COL6A5: variants seen among roughly 807,000 people sequenced by gnomAD.
COL6A5 encodes collagen alpha-5(VI) chain.
COL6A5 carries 48 observed loss-of-function variants against 65.6 expected under a neutral mutation model. The observed-to-expected ratio is 0.73, with a 90% CI of 0.58 to 0.93. The LOEUF (loss-of-function observed/expected upper bound fraction) is 0.93, where lower values mean the gene tolerates loss of function less well. Ranked by LOEUF, COL6A5 falls within the 40% of genes least tolerant of loss-of-function variation. The pLI, the probability that COL6A5 is intolerant of heterozygous loss-of-function variation, is 0.00. For missense variants in COL6A5, 914 were observed against 928.3 expected (o/e 0.98, Z 0.20); for synonymous variants, 291 against 322.8 (o/e 0.90, Z 1.05).
At chr3:130,358,912 A>T (rs1383259305) in intron 1 of COL6A5, among the ~76,000 whole-genome samples, 1 of 152,180 alleles carries the variant, frequency 6.6e-6, no homozygotes, top group Non-Finnish European at 1.5e-5. Context: ...AAAAGTTGGA[A>T]ACAATCTAAA....
At chr3:130,433,822 T>G (rs986571606) in intron 1 of COL6A5, among the ~76,000 whole-genome samples, 3 of 152,204 alleles carry the variant, frequency 2.0e-5, no homozygotes, top group African/African-American at 7.2e-5. Flanking sequence ...GGTTAAACAT[T>G]TTTTCATATG....
At chr3:130,426,873 C>T (rs1245104891), upstream of COL6A5, among the ~76,000 whole-genome samples, 35 of 151,208 alleles carry the variant, frequency 2.3e-4, 3 homozygotes, top group Admixed American at 2.2e-3. Flanking sequence ...AAGCAGGAGT[C>T]AACATAAAGA....
intron 10 of COL6A5, among the ~76,000 whole-genome samples, chr3:130,399,973 C>T (rs1017659674): frequency 6.6e-5 from 10 of 150,660 alleles, no homozygotes; most frequent in Middle Eastern, 6.9e-3. Flanking sequence ...TTGACCAGTT[C>T]GCTGGTCACA....
intron 1 of COL6A5, among the ~76,000 whole-genome samples, chr3:130,362,331 T>A (rs1227070854): frequency 0.013 from 56 of 4,230 alleles, no homozygotes; most frequent in African/African-American, 0.022. Context: ...TATATATTTT[T>A]TTTTTTTTTT....
chr3:130,475,616 G>A (rs1468762856), intron 7 of COL6A5, among the ~76,000 whole-genome samples: 1 of 152,108 alleles, frequency 6.6e-6, no homozygotes, highest in Non-Finnish European at 1.5e-5. Context: ...TGTCCTAAAG[G>A]AGAAATATGT....
exon 1 of COL6A5, chr3:130,431,658 C>A (rs1431980110): frequency 1.3e-6 from 2 of 1,551,394 alleles, no homozygotes; most frequent in Non-Finnish European, 1.7e-6. Context: ...GCTATCTCAT[C>A]CGCTGGTCTG....
exon 26 of COL6A5, chr3:130,421,165 A>G (rs993857838): frequency 1.9e-6 from 3 of 1,550,610 alleles, no homozygotes; most frequent in Non-Finnish European, 1.7e-6. Context: ...AGATTCTGGC[A>G]TCCCAGGCTA....
chr3:130,464,392 T>G (rs1709768474), intron 5 of COL6A5, among the ~76,000 whole-genome samples: 1 of 152,022 alleles, frequency 6.6e-6, no homozygotes, highest in Non-Finnish European at 1.5e-5. Context: ...CTCTGCCTCT[T>G]AAAGTGTTGA....
At position 130,372,344 on chromosome 3, in the gene COL6A5, C is replaced by A. The variant is rs1444548636; in HGVS notation, c.-28-1267C>A. On this transcript the variant is annotated intron_variant and NMD_transcript_variant, in intron 1 of 41. Coordinates refer to the COL6A5 transcript ENST00000312481. ...GTCCAGATAAATGAAAATATATATT[C>A]ACACCAGCATGTACATAAGTGTTCA... 2.6e-5 allele frequency among the ~76,000 whole-genome samples: 4 copies of A among 151,986 alleles called. No individual in the cohort carries two copies. The East Asian group carries it at 7.7e-4, about 29-fold the overall frequency.
At chr3:130,387,924 G>A (rs1936254954) in intron 5 of COL6A5, among the ~76,000 whole-genome samples, 1 of 151,488 alleles carries the variant, frequency 6.6e-6, no homozygotes, top group South Asian at 2.1e-4. Context: ...ATACATATGT[G>A]TGTATATATA....
At position 130,471,130 on chromosome 3, in the gene COL6A5, C is replaced by T. The variant is rs148082436; in HGVS notation, c.2328+163C>T. Among the ~76,000 whole-genome samples, 765 of 151,524 alleles carry T rather than the reference C, an allele frequency of 5.0e-3. 5 individuals carry two copies. Among genetic ancestry groups the T allele is most frequent in the Middle Eastern group, 0.024 (7 of 294 alleles). ...AAATGCTACTCGTTTGTGATGATAG[C>T]ATAGGTCTGAAATTAATCGCAGATA... On this transcript the variant is annotated intron_variant, in intron 7 of 7. Coordinates refer to ENST00000512836, the Ensembl canonical transcript of COL6A5.
rs145618797 is a variant in COL6A5, at chr3:130,352,256, T to C, written c.-29+6275T>C. ...AACCACCATGGCACATGTATACCTG[T>C]GTAACAAACCTGCACATTGTGCACA... On this transcript the variant is annotated intron_variant and NMD_transcript_variant, in intron 1 of 41. Coordinates refer to the COL6A5 transcript ENST00000312481. Among the ~76,000 whole-genome samples the C allele has an allele frequency of 9.5e-4, 145 of 151,958 alleles. 1 individual carries two copies. Among genetic ancestry groups the C allele is most frequent in the African/African-American group, 3.4e-3 (141 of 41,410 alleles).
rs1934508642 is a variant in COL6A5 at position 130,347,084 on chromosome 3, GTGT to G, written c.-29+1108_-29+1110del. On this transcript the variant is annotated intron_variant and NMD_transcript_variant, in intron 1 of 41. Transcript: ENST00000312481. ...TCTTTGATGACGAATGAATGGTTTTGTGTTGTTATTATTATTCTCCTTTCAGTG... is the reference window on the plus strand; with the variant it reads ...TCTTTGATGACGAATGAATGGTTTTGTGTTATTATTATTCTCCTTTCAGTG... Among the ~76,000 whole-genome samples, 3 of 152,256 alleles carry G rather than the reference GTGT, an allele frequency of 2.0e-5. No individual in the cohort carries two copies. In the South Asian group the frequency reaches 6.2e-4, roughly 32 times the overall value.
chr3:130,347,734 C>T (rs930481752), intron 1 of COL6A5, among the ~76,000 whole-genome samples: 1 of 152,138 alleles, frequency 6.6e-6, no homozygotes, highest in Non-Finnish European at 1.5e-5. Context: ...ACTCAGAATC[C>T]TCCAGCTCTG....
chr3:130,382,517 G>A (rs1299508986), intron 4 of COL6A5, among the ~76,000 whole-genome samples: 1 of 152,128 alleles, frequency 6.6e-6, no homozygotes, highest in Non-Finnish European at 1.5e-5. Flanking sequence ...TAATTCAGTT[G>A]CCCAAGCATC....
intron 2 of COL6A5, 115 bp downstream of exon 34, chr3:130,439,730 G>C (rs537769373): frequency 2.7e-6 from 2 of 745,438 alleles, no homozygotes; most frequent in African/African-American, 1.8e-5. Context: ...TCTATTTTCA[G>C]TTTTCTAGTT....
At chr3:130,357,135 A>G (rs1216845645) in intron 1 of COL6A5, among the ~76,000 whole-genome samples, 4 of 152,218 alleles carry the variant, frequency 2.6e-5, no homozygotes, top group Admixed American at 2.6e-4. Context: ...TGTATTCTCT[A>G]TGAATGAGAA....
chr3:130,412,368 T>C (rs560682029), intron 20 of COL6A5, among the ~76,000 whole-genome samples: 2 of 152,258 alleles, frequency 1.3e-5, no homozygotes, highest in African/African-American at 4.8e-5. Flanking sequence ...TTGAACTCAG[T>C]CTGTCTCCCT....
rs771907805 is a variant in COL6A5, at chr3:130,416,832, T to G, written c.4887+13T>G. 7.8e-6 allele frequency: 11 copies of G among 1,416,600 alleles called. No individual in the cohort carries two copies. The highest frequency in any genetic ancestry group is 1.1e-5 in the Non-Finnish European group (11 of 1,046,916). 87.8% of individuals were successfully genotyped at this position (1,416,600 alleles called of 1,614,324 possible). ...TTTGGGGAAAAAAGTAGATATTATTTCTGTTTTTTAATTCTTTTAAAAACA... is the reference window on the plus strand; with the variant it reads ...TTTGGGGAAAAAAGTAGATATTATTGCTGTTTTTTAATTCTTTTAAAAACA... On this transcript the variant is annotated intron_variant and NMD_transcript_variant, in intron 24 of 41. Coordinates refer to the COL6A5 transcript ENST00000312481.
Sources: allele counts gnomAD v4.1 joint callset (sites outside exome capture counted in the v4.1 genomes callset), GRCh38; gene constraint gnomAD v4.1.1; transcripts MANE v1.5; gene names NCBI Gene and HGNC (gene_info 2026-07-23, HGNC 2026-07-21).